Variants in BIRC3 observed in about 807,000 individuals in gnomAD.
The protein encoded by BIRC3 is baculoviral IAP repeat-containing protein 3.
BIRC3 carries 26 observed loss-of-function variants against 59.0 expected under a neutral mutation model. That is an observed-to-expected ratio of 0.44 (90% CI 0.32 to 0.61). BIRC3 has a LOEUF of 0.61. BIRC3 is among the 20% of genes least tolerant of loss of function. BIRC3 has a pLI of 0.04. For missense variants in BIRC3, 641 were observed against 711.5 expected, an observed-to-expected ratio of 0.90 and a Z score of 1.13; for synonymous variants, 243 against 249.2, an observed-to-expected ratio of 0.98 and a Z score of 0.24.
chr11:102,329,525 G>A (rs915010489), intron 5 of BIRC3, among the ~76,000 whole-genome samples: 2 of 152,060 alleles, frequency 1.3e-5, no homozygotes, highest in African/African-American at 4.8e-5. Flanking sequence ...TAGAGAACAG[G>A]ATAGAGCCAA....
intron 1 of BIRC3, among the ~76,000 whole-genome samples, chr11:102,319,248 G>A (rs754270080): frequency 4.0e-5 from 6 of 151,852 alleles, no homozygotes; most frequent in East Asian, 1.9e-4. Context: ...GGGTTTCACC[G>A]TGTTAGCCAG....
At chr11:102,319,346 G>A (rs191892939) in intron 1 of BIRC3, among the ~76,000 whole-genome samples, 1 of 152,128 alleles carries the variant, frequency 6.6e-6, no homozygotes, top group East Asian at 1.9e-4. Flanking sequence ...ACACCCGGCC[G>A]AAAGAGAATT....
intron 6 of BIRC3, among the ~76,000 whole-genome samples, chr11:102,331,754 C>G (rs111985619): frequency 6.6e-6 from 1 of 152,144 alleles, no homozygotes; most frequent in African/African-American, 2.4e-5. Flanking sequence ...AAGCAATTCT[C>G]GTGCCTCCTT....
chr11:102,325,071 G>C lies in BIRC3; in HGVS notation c.562G>C (p.Asp188His), dbSNP rs147996132. The change falls in exon 2 of 9, where the codon GAT becomes CAT. Residue 188 changes from aspartate (D) to histidine (H), a missense_variant. By Grantham distance (81) the Asp-to-His change is moderately conservative. Transcript: ENST00000263464. The part of the protein sequence containing the change: ...TWPLTFLSPT[D>H]LAKAGFYYIG... ...GCCATTGACTTTTCTGTCGCCAACA[G>C]ATCTGGCAAAAGCAGGCTTTTACTA... 2 of 1,614,040 alleles carry C rather than the reference G, an allele frequency of 1.2e-6. No individual in the cohort carries two copies. The highest frequency in any genetic ancestry group is 2.7e-5 in the African/African-American group (2 of 74,912).
At chr11:102,331,294 A>G (rs933183139) in intron 6 of BIRC3, 53 bp downstream of exon 6, 4 of 1,489,450 alleles carry the variant, frequency 2.7e-6, no homozygotes, top group African/African-American at 2.9e-5. Context: ...ATATCAGTCT[A>G]TATGTTATGA....
chr11:102,325,381 T>C lies in BIRC3; in HGVS notation c.853+19T>C, dbSNP rs1328854838. On this transcript the variant is annotated intron_variant, in intron 2 of 8. Coordinates refer to ENST00000263464, the MANE Select transcript of BIRC3 (RefSeq NM_001165.5). ...TATGTGGGTAAGAAACTGAATCTGC[T>C]AATTAAAAAAAATATATTTCATTTT... 6.3e-7 allele frequency: 1 copy of C among 1,585,798 alleles called. No homozygotes were observed. Among genetic ancestry groups the C allele is most frequent in the Admixed American group, 1.9e-5 (1 of 53,870 alleles).
chr11:102,325,802 A>C (rs540427785), intron 3 of BIRC3, among the ~76,000 whole-genome samples: 39 of 152,096 alleles, frequency 2.6e-4, no homozygotes, highest in African/African-American at 8.4e-4. Flanking sequence ...ATATTTAAAT[A>C]ATACATGCTC....
Position 102,324,370 on chromosome 11 carries a change from A to T in BIRC3, c.-140A>T. ...TTTAGAATCTCCATGTTGAAACTCT[A>T]AATGCATAGAAATAAAAATAATAAA... On this transcript the variant is annotated 5_prime_UTR_variant, in exon 2 of 9. It removes the in-frame stop codon of an upstream open reading frame in the 5' UTR. Transcript: ENST00000263464. 1 of 916,314 alleles carries T rather than the reference A, an allele frequency of 1.1e-6. No individual in the cohort carries two copies. The highest frequency in any genetic ancestry group is 1.6e-6 in the Non-Finnish European group (1 of 638,470). 56.8% of individuals were successfully genotyped at this position (916,314 alleles called of 1,614,324 possible).
intron 6 of BIRC3, among the ~76,000 whole-genome samples, chr11:102,331,644 G>A (rs1291459870): frequency 6.6e-6 from 1 of 151,890 alleles, no homozygotes; most frequent in Admixed American, 6.6e-5. Context: ...TGGGATCAGG[G>A]ACAATTATTA....
chr11:102,326,794 G>A (rs1951086652), intron 3 of BIRC3: 2 of 454,342 alleles, frequency 4.4e-6, no homozygotes, highest in Admixed American at 2.4e-5. Context: ...TGCAACCTCC[G>A]CCTCTTGGGT....
rs1373859880 is a variant in BIRC3, at chr11:102,337,647, T to C, written c.*545T>C. On this transcript the variant is annotated 3_prime_UTR_variant, in exon 9 of 9. Coordinates refer to ENST00000263464, the MANE Select transcript of BIRC3 (RefSeq NM_001165.5). ...GTGTCCTATACATCGAAGGTGTGCA[T>C]ATATGTTGAATGACATTTTAGGGAC... 1.8e-5 allele frequency: 6 copies of C among 332,680 alleles called. No individual in the cohort carries two copies. The highest frequency in any genetic ancestry group is 4.9e-5 in the Admixed American group (1 of 20,448). 20.6% of individuals were successfully genotyped at this position (332,680 alleles called of 1,614,324 possible).
intron 4 of BIRC3, 71 bp downstream of exon 4, chr11:102,328,201 C>T: frequency 8.9e-7 from 1 of 1,122,492 alleles, no homozygotes; most frequent in Non-Finnish European, 1.3e-6. Context: ...ACAGAGAGTG[C>T]TATTTGAGTG....
chr11:102,329,038 G>T, intron 5 of BIRC3, 93 bp downstream of exon 5: 2 of 726,320 alleles, frequency 2.8e-6, no homozygotes, highest in South Asian at 2.0e-5. Flanking sequence ...CCTGTATATT[G>T]ATTTATAATT....
Position 102,323,402 on chromosome 11 carries a change from G to A in BIRC3, c.-1108G>A, listed in dbSNP as rs940960357. ...CCTGTTGTCTACCATAATTACAGAG[G>A]ACATTTCCATGTTCTAGCCAAGTAT... On this transcript the variant is annotated 5_prime_UTR_variant, in exon 2 of 9. Coordinates refer to ENST00000263464, the MANE Select transcript of BIRC3 (RefSeq NM_001165.5). 1 of 191,826 alleles carries A rather than the reference G, an allele frequency of 5.2e-6. No individual in the cohort carries two copies. The highest frequency in any genetic ancestry group is 2.3e-5 in the African/African-American group (1 of 43,050). 11.9% of individuals were successfully genotyped at this position (191,826 alleles called of 1,614,324 possible).
At chr11:102,331,282 TG>T in intron 6 of BIRC3, 41 bp downstream of exon 6, 2 of 1,555,954 alleles carry the variant, frequency 1.3e-6, no homozygotes, top group Non-Finnish European at 1.7e-6. Flanking sequence ...CATAAGGATT[TG>T]ATATCAGTCT....
rs760118222 is a variant in BIRC3, at chr11:102,336,235, A to G, written c.1579+15A>G. 23 of 1,558,796 alleles carry G rather than the reference A, an allele frequency of 1.5e-5. No homozygotes were observed. In the African/African-American group the frequency reaches 3.1e-4, roughly 21 times the overall value. On this transcript the variant is annotated intron_variant, in intron 7 of 8. Coordinates refer to ENST00000263464, the MANE Select transcript of BIRC3 (RefSeq NM_001165.5). ...GCATTTATTTGGTGAGTGATAGAAA[A>G]TTATTTTTAAAAATTTTCTAAGTCA...
rs1425711656 is a variant in BIRC3 at position 102,331,125 on chromosome 11, T to C, written c.1208T>C (p.Ile403Thr). Residue 403 changes from isoleucine to threonine, a missense_variant, in exon 6 of 9, where the codon ATC becomes ACC. Around this residue, in one of 4 missense-constraint regions of BIRC3, gnomAD observed 268 missense variants for 255.7 expected, o/e 1.05. Transcript: ENST00000263464. The stretch of plus-strand genomic sequence containing the variant: ...GTAAAACAGACAGTTCAGAGAAAAA[T>C]CCTAGCAACTGGAGAGAATTATAGA... ...SLVKQTVQRKILATGENYRLV... is the reference protein window; with the variant it reads ...SLVKQTVQRKTLATGENYRLV... 2 of 1,613,544 alleles carry C rather than the reference T, an allele frequency of 1.2e-6. No homozygotes were observed. The highest frequency in any genetic ancestry group is 2.7e-5 in the African/African-American group (2 of 74,850).
chr11:102,324,583 A>G lies in BIRC3; in HGVS notation c.74A>G (p.Asp25Gly). ...GCCAACACGTTTGAACTGAAATACG[A>G]CTTGTCATGTGAACTGTACCGAATG... ...KSANTFELKY[D>G]LSCELYRMST... The change falls in exon 2 of 9, where the codon GAC (aspartate) becomes GGC (glycine). Residue 25 changes from aspartate to glycine, a missense_variant. This residue lies in a region of BIRC3 where 329 missense variants were observed against 365.6 expected (regional missense o/e 0.90). Transcript: ENST00000263464. 6.2e-7 allele frequency: 1 copy of G among 1,614,120 alleles called. No homozygotes were observed.
chr11:102,321,618 A>T (rs1296712637), intron 1 of BIRC3, among the ~76,000 whole-genome samples: 3 of 152,106 alleles, frequency 2.0e-5, no homozygotes, highest in African/African-American at 7.2e-5. Context: ...GCCTCCCAAA[A>T]TGCTGGGATT....
Sources: gnomAD v4.1 joint callset for allele counts (sites outside exome capture counted in the v4.1 genomes callset) on GRCh38, gnomAD v4.1.1 for gene constraint, gnomAD v4.1.1 regional missense constraint, MANE v1.5 for transcripts, NCBI Gene and HGNC (gene_info 2026-07-23, HGNC 2026-07-21) for gene names.